PCDHA5: variants seen among roughly 807,000 people sequenced by gnomAD.
PCDHA5 encodes the protein protocadherin alpha 5.
In PCDHA5, 43 loss-of-function variants were observed where a neutral mutation model predicts 61.6. That is an observed-to-expected ratio of 0.70 (90% CI 0.55 to 0.90). The LOEUF (loss-of-function observed/expected upper bound fraction) is 0.90, where lower values mean the gene tolerates loss of function less well. Among genes scored for constraint, PCDHA5 ranks in the 40% least tolerant of loss-of-function variants. The probability of loss-of-function intolerance (pLI) is 0.00; values close to 1 mark genes in which losing one functional copy is unlikely to be tolerated. For synonymous variants in PCDHA5, 627 were observed against 543.9 expected (o/e 1.15, Z -2.13); for missense variants, 1,298 against 1,222.7 (o/e 1.06, Z -0.92).
chr5:140,836,796 CCTT>C (rs2150270187), intron 1 of PCDHA5: 1 of 1,377,882 alleles, frequency 7.3e-7, no homozygotes, highest in Non-Finnish European at 9.9e-7. Flanking sequence ...CAATTGGTCT[CCTT>C]AAATTTTCTT....
chr5:140,882,164 C>T (rs2058984922), intron 1 of PCDHA5: 2 of 1,509,832 alleles, frequency 1.3e-6, no homozygotes. Flanking sequence ...ATACCTCTTG[C>T]GAATCCTTCC....
intron 1 of PCDHA5, among the ~76,000 whole-genome samples, chr5:140,901,864 C>G (rs782513656): frequency 4.6e-4 from 70 of 152,126 alleles, no homozygotes; most frequent in Non-Finnish European, 5.7e-4. Flanking sequence ...TTTGTGTCCT[C>G]TTCAATTTCT....
intron 1 of PCDHA5, among the ~76,000 whole-genome samples, chr5:140,933,379 G>A (rs1403607512): frequency 6.6e-6 from 1 of 151,928 alleles, no homozygotes; most frequent in East Asian, 1.9e-4. Flanking sequence ...TTCCTTGGCT[G>A]TTCCTAGAGC....
intron 1 of PCDHA5, among the ~76,000 whole-genome samples, chr5:140,970,865 T>C (rs1255232385): frequency 6.6e-6 from 1 of 152,180 alleles, no homozygotes; most frequent in Non-Finnish European, 1.5e-5. Context: ...CCATTCCTGA[T>C]TGAGAGTAGA....
intron 1 of PCDHA5, chr5:140,829,448 C>G (rs1770312279): frequency 1.9e-6 from 3 of 1,613,964 alleles, no homozygotes. Context: ...TGACAATGCT[C>G]CGGCGTTCGC....
intron 1 of PCDHA5, among the ~76,000 whole-genome samples, chr5:140,844,826 C>T (rs1554140734): frequency 6.7e-6 from 1 of 149,170 alleles, no homozygotes; most frequent in East Asian, 1.9e-4. Context: ...TGTCTTTTTA[C>T]ACGTTTGCTT....
At chr5:140,875,342 A>T in intron 1 of PCDHA5, 1 of 1,443,152 alleles carries the variant, frequency 6.9e-7, no homozygotes, top group Non-Finnish European at 9.1e-7. Flanking sequence ...GATCGACTCC[A>T]TAATGACTGT....
At chr5:140,973,276 C>G (rs1416819589) in intron 1 of PCDHA5, among the ~76,000 whole-genome samples, 1 of 152,132 alleles carries the variant, frequency 6.6e-6, no homozygotes, top group African/African-American at 2.4e-5. Context: ...TTTATTTCCC[C>G]CAGCACTGAT....
intron 1 of PCDHA5, among the ~76,000 whole-genome samples, chr5:140,942,981 G>A (rs1242135518): frequency 6.6e-6 from 1 of 152,048 alleles, no homozygotes; most frequent in Non-Finnish European, 1.5e-5. Context: ...TTGGGGCTGG[G>A]TGTGGTGGCT....
rs2150157115 is a variant in PCDHA5, at chr5:140,828,583, A to G, written c.2352+4456A>G. 8.7e-6 allele frequency: 14 copies of G among 1,614,126 alleles called. No individual in the cohort carries two copies. In the Admixed American group the frequency reaches 2.3e-4, roughly 27 times the overall value. ...GCGCGTCCGATGCAGATGTTGGCTC[A>G]AATTCCATCTTAACCTATAAACTCA... On this transcript the variant is annotated intron_variant, in intron 1 of 3. Transcript: ENST00000529859.
chr5:140,967,012 G>A, intron 1 of PCDHA5: 1 of 1,606,776 alleles, frequency 6.2e-7, no homozygotes, highest in Non-Finnish European at 8.5e-7. Flanking sequence ...TCAACCATCT[G>A]GGTGCGCCCA....
intron 1 of PCDHA5, chr5:140,836,280 A>T: frequency 6.2e-7 from 1 of 1,613,762 alleles, no homozygotes; most frequent in South Asian, 1.1e-5. Flanking sequence ...TGAGATCAGC[A>T]CGACACGAGC....
rs1460155529 is a variant in PCDHA5, at chr5:140,821,686, A to G, written c.-90A>G. 2.2e-6 allele frequency: 3 copies of G among 1,371,046 alleles called. No individual in the cohort carries two copies. Among genetic ancestry groups the G allele is most frequent in the African/African-American group, 2.9e-5 (2 of 68,252 alleles). 84.9% of individuals were successfully genotyped at this position (1,371,046 alleles called of 1,614,324 possible). On this transcript the variant is annotated 5_prime_UTR_variant, in exon 1 of 4. It adds an upstream start codon to the 5' untranslated region. Transcript: ENST00000529859. ...CCAAGAAGCTCAGAAAGGCGATAATATAAAAAATATATAGTTAATTGGGAA... is the reference window on the plus strand; with the variant it reads ...CCAAGAAGCTCAGAAAGGCGATAATGTAAAAAATATATAGTTAATTGGGAA...
intron 1 of PCDHA5, chr5:140,850,018 T>A: frequency 1.3e-6 from 2 of 1,596,890 alleles, no homozygotes; most frequent in Non-Finnish European, 1.7e-6. Context: ...TCGAGCTACG[T>A]GTCAGTGCAC....
chr5:140,982,584 C>T (rs1554244599), intron 3 of PCDHA5, 21 bp downstream of exon 3: 1 of 1,612,032 alleles, frequency 6.2e-7, no homozygotes, highest in East Asian at 2.2e-5. Flanking sequence ...GGGGTCTCTC[C>T]ATTCTTTCTT....
rs556783584 is a variant in PCDHA5 at position 140,882,446 on chromosome 5, G to A, written c.2352+58319G>A. ...CCTGGGGCTGGAGCTGGCGGAGCTG[G>A]TGCCGCGCCTGTTCCGGGTGGCGTC... On this transcript the variant is annotated intron_variant, in intron 1 of 3. Coordinates refer to ENST00000529859, the MANE Select transcript of PCDHA5 (RefSeq NM_018908.3). 1.9e-5 allele frequency: 30 copies of A among 1,614,042 alleles called. No individual in the cohort carries two copies. The highest frequency in any genetic ancestry group is 1.0e-4 in the Admixed American group (6 of 60,036).
rs190030565 is a variant in PCDHA5, at chr5:140,999,153, C to T, written c.2501-10474C>T. Among the ~76,000 whole-genome samples, 42 of 152,242 alleles carry T rather than the reference C, an allele frequency of 2.8e-4. 1 individual carries two copies. In the East Asian group the frequency reaches 5.2e-3, roughly 19 times the overall value. Reference sequence around the variant, plus strand: ...AATGTCACAGCCGGAAGTCTTCAGTCCCCTAGAAGGAAAAGAGCCTGATGG... The same window carrying T: ...AATGTCACAGCCGGAAGTCTTCAGTTCCCTAGAAGGAAAAGAGCCTGATGG... On this transcript the variant is annotated intron_variant, in intron 3 of 3. Coordinates refer to ENST00000529859, the MANE Select transcript of PCDHA5 (RefSeq NM_018908.3).
rs1554262827 is a variant in PCDHA5 at position 141,010,253 on chromosome 5, C to A, written c.*316C>A. The A allele has an allele frequency of 3.2e-6, 5 of 1,551,834 alleles. No homozygotes were observed. The highest frequency in any genetic ancestry group is 1.7e-4 in the Middle Eastern group (1 of 5,990). On this transcript the variant is annotated 3_prime_UTR_variant, in exon 4 of 4. Transcript: ENST00000529859. ...CGCCAGTGAGAGGTTGGACTCTCTG[C>A]CCTGTGCTCCGGGGATCCTGTCTTG...
chr5:140,866,677 G>A (rs782218499), intron 1 of PCDHA5: 2 of 152,084 alleles, frequency 1.3e-5, no homozygotes, highest in African/African-American at 2.4e-5. Context: ...AATAGCACTA[G>A]GTCTGTTAGA....
Sources: allele counts gnomAD v4.1 joint callset (sites outside exome capture counted in the v4.1 genomes callset), GRCh38; gene constraint gnomAD v4.1.1; transcripts MANE v1.5; gene names NCBI Gene and HGNC (gene_info 2026-07-23, HGNC 2026-07-21).